Variants in SPAG16 observed in about 807,000 individuals in gnomAD.
The protein encoded by SPAG16 is sperm-associated antigen 16 protein.
In SPAG16, 86 loss-of-function variants were observed where a neutral mutation model predicts 80.4. The observed-to-expected ratio is 1.07, with a 90% confidence interval of 0.90 to 1.28. The LOEUF is 1.28. Among genes scored for constraint, SPAG16 ranks in the 50% most tolerant of loss-of-function variants. SPAG16 has a pLI of 0.00. For missense variants in SPAG16, 870 were observed against 765.3 expected (o/e 1.14, Z -1.61); for synonymous variants, 294 against 265.9 (o/e 1.11, Z -1.03).
chr2:213,348,639 G>C (rs140606081), intron 6 of SPAG16, among the ~76,000 whole-genome samples: 4,771 of 151,912 alleles, frequency 0.031, 101 homozygotes, highest in South Asian at 0.048. Context: ...ACTTATGAAG[G>C]TTAGTTTGGC....
At chr2:213,884,718 T>A (rs935045270) in intron 11 of SPAG16, among the ~76,000 whole-genome samples, 6 of 152,352 alleles carry the variant, frequency 3.9e-5, no homozygotes, top group Admixed American at 3.3e-4. Context: ...TTTATCTTAC[T>A]GTGTTGATTT....
Position 213,944,804 on chromosome 2 carries a change from G to A in SPAG16, c.1400+14659G>A, listed in dbSNP as rs1000912002. Among the ~76,000 whole-genome samples the A allele has an allele frequency of 2.6e-5, 4 of 152,238 alleles. No individual in the cohort carries two copies. In the East Asian group the frequency reaches 7.7e-4, roughly 29 times the overall value. Reference sequence around the variant, plus strand: ...GGGAGGCAATTTGGTCATGAGGATGGAGCCCTCTTGAATGGGAGTTGTGCC... The same window carrying A: ...GGGAGGCAATTTGGTCATGAGGATGAAGCCCTCTTGAATGGGAGTTGTGCC... On this transcript the variant is annotated intron_variant, in intron 12 of 15. Coordinates refer to ENST00000331683, the MANE Select transcript of SPAG16 (RefSeq NM_024532.5).
intron 7 of SPAG16, among the ~76,000 whole-genome samples, chr2:213,360,862 C>T (rs2065941904): frequency 6.6e-6 from 1 of 152,146 alleles, no homozygotes; most frequent in South Asian, 2.1e-4. Context: ...TGCAGTTACG[C>T]TTTGAGAATT....
At chr2:214,340,824 C>G (rs1367406392) in intron 15 of SPAG16, among the ~76,000 whole-genome samples, 2 of 152,180 alleles carry the variant, frequency 1.3e-5, no homozygotes, top group Admixed American at 1.3e-4. Context: ...CTCTGCCCCA[C>G]TGGGTTTTCA....
intron 10 of SPAG16, among the ~76,000 whole-genome samples, chr2:213,516,185 A>G (rs933192588): frequency 1.3e-5 from 2 of 152,144 alleles, no homozygotes; most frequent in Admixed American, 1.3e-4. Context: ...AAGATTAAGA[A>G]CCTACATTTC....
chr2:213,907,613 A>G (rs2077483491), intron 11 of SPAG16, among the ~76,000 whole-genome samples: 1 of 152,204 alleles, frequency 6.6e-6, no homozygotes, highest in South Asian at 2.1e-4. Context: ...ATTCACAATA[A>G]ATCAACCTAA....
At chr2:214,272,073 A>T (rs7600131) in intron 15 of SPAG16, among the ~76,000 whole-genome samples, 59,680 of 151,996 alleles carry the variant, frequency 0.39, 14,325 homozygotes, top group South Asian at 0.57. Context: ...CATTAAAATT[A>T]TAAGTACTTA....
At position 213,409,238 on chromosome 2, in the gene SPAG16, TA is replaced by T. The variant is rs555333104; in HGVS notation, c.942+34121del. Among the ~76,000 whole-genome samples, 396 of 152,252 alleles carry T rather than the reference TA, an allele frequency of 2.6e-3. 2 individuals carry two copies. Among genetic ancestry groups the T allele is most frequent in the African/African-American group, 8.6e-3 (357 of 41,548 alleles). On this transcript the variant is annotated intron_variant, in intron 9 of 15. Transcript: ENST00000331683. Reference sequence around the variant, plus strand: ...GGGAATTTATGCAAGAAATGTTGTATAATTTAAAAGTAACTAGGCCTCCTGA... The same window carrying T: ...GGGAATTTATGCAAGAAATGTTGTATATTTAAAAGTAACTAGGCCTCCTGA...
At chr2:213,686,050 C>T (rs896962247) in intron 10 of SPAG16, among the ~76,000 whole-genome samples, 2 of 152,330 alleles carry the variant, frequency 1.3e-5, no homozygotes, top group Admixed American at 6.5e-5. Context: ...AACATCCAAT[C>T]ATCTCATATC....
intron 10 of SPAG16, among the ~76,000 whole-genome samples, chr2:213,509,701 C>T (rs1486792817): frequency 6.6e-6 from 1 of 151,834 alleles, no homozygotes; most frequent in African/African-American, 2.4e-5. Context: ...ACTAAATGCC[C>T]ACAAGAGAAA....
At chr2:213,409,128 T>TA (rs397829271) in intron 9 of SPAG16, among the ~76,000 whole-genome samples, 1 of 151,210 alleles carries the variant, frequency 6.6e-6, no homozygotes, top group Non-Finnish European at 1.5e-5. Flanking sequence ...TTTTTTTTTT[T>TA]AAAGGGGATG....
rs35398177 is a variant in SPAG16 at position 213,962,328 on chromosome 2, G to GGCT, written c.1400+32183_1400+32184insGCT. ...CTGCCTCAGCCTCCTGAGTAGCTGG[G>GGCT]ACTACAGGCGCCCGCCACCAAGCCC... On this transcript the variant is annotated intron_variant, in intron 12 of 15. Coordinates refer to ENST00000331683, the MANE Select transcript of SPAG16 (RefSeq NM_024532.5). Among the ~76,000 whole-genome samples the GGCT allele has an allele frequency of 1.7e-4, 22 of 127,358 alleles. No homozygotes were observed. The East Asian group carries it at 5.4e-3, about 31-fold the overall frequency. The allele number at this position is 127,358 out of a possible 152,430, so 83.6% of individuals were successfully genotyped here.
At chr2:214,029,297 A>C (rs1332161635) in intron 13 of SPAG16, among the ~76,000 whole-genome samples, 3 of 151,948 alleles carry the variant, frequency 2.0e-5, no homozygotes, top group Non-Finnish European at 4.4e-5. Flanking sequence ...GTGAGGAAAG[A>C]GGGGTTGGAA....
intron 10 of SPAG16, among the ~76,000 whole-genome samples, chr2:213,699,078 A>C (rs1273820186): frequency 6.6e-6 from 1 of 152,056 alleles, no homozygotes; most frequent in East Asian, 1.9e-4. Flanking sequence ...TTGTTGTAGT[A>C]GTTTCTAATG....
chr2:214,227,490 T>A (rs2058722454), intron 15 of SPAG16, among the ~76,000 whole-genome samples: 1 of 151,996 alleles, frequency 6.6e-6, no homozygotes, highest in Admixed American at 6.6e-5. Context: ...AGGACTCCAA[T>A]ATGTACTTAC....
At chr2:213,816,272 A>G (rs1285657992) in intron 10 of SPAG16, among the ~76,000 whole-genome samples, 1 of 152,108 alleles carries the variant, frequency 6.6e-6, no homozygotes, top group African/African-American at 2.4e-5. Flanking sequence ...TTGGCTGTAT[A>G]AGAATGCTTT....
At chr2:213,736,077 G>T (rs2067268632) in intron 10 of SPAG16, among the ~76,000 whole-genome samples, 1 of 151,966 alleles carries the variant, frequency 6.6e-6, no homozygotes, top group Admixed American at 6.6e-5. Flanking sequence ...AAACCCATTT[G>T]TTTCCTCTCA....
At chr2:214,183,301 T>G (rs2057362743) in intron 15 of SPAG16, among the ~76,000 whole-genome samples, 1 of 151,926 alleles carries the variant, frequency 6.6e-6, no homozygotes, top group Non-Finnish European at 1.5e-5. Flanking sequence ...TAGACAGACT[T>G]TCACTCAGGG....
intron 10 of SPAG16, among the ~76,000 whole-genome samples, chr2:213,540,704 G>A (rs1039500): frequency 6.6e-6 from 1 of 152,180 alleles, no homozygotes; most frequent in Non-Finnish European, 1.5e-5. Flanking sequence ...ACAATTTGGA[G>A]AAGTTGGAGA....
Sources: gnomAD v4.1 joint callset for allele counts (sites outside exome capture counted in the v4.1 genomes callset) on GRCh38, gnomAD v4.1.1 for gene constraint, MANE v1.5 for transcripts, NCBI Gene and HGNC (gene_info 2026-07-23, HGNC 2026-07-21) for gene names.